The following SNCAIP variants were observed in gnomAD, a reference collection of about 807,000 sequenced individuals.
The protein encoded by SNCAIP is synuclein alpha interacting protein.
In SNCAIP, 43 loss-of-function variants were observed where a neutral mutation model predicts 86.7. That is an observed-to-expected ratio of 0.50 (90% CI 0.39 to 0.64). The LOEUF (loss-of-function observed/expected upper bound fraction) is 0.64, where lower values mean the gene tolerates loss of function less well. SNCAIP is among the 30% of genes least tolerant of loss of function. The pLI, the probability that SNCAIP is intolerant of heterozygous loss-of-function variation, is 0.00. For synonymous variants in SNCAIP, 417 were observed against 427.2 expected (o/e 0.98, Z 0.29); for missense variants, 981 against 1,103.1 (o/e 0.89, Z 1.57).
intron 1 of SNCAIP, among the ~76,000 whole-genome samples, chr5:122,333,352 A>G (rs1755767479): frequency 6.6e-6 from 1 of 152,148 alleles, no homozygotes; most frequent in Non-Finnish European, 1.5e-5. Flanking sequence ...TACGGAACCT[A>G]TTTGTTGGTT....
chr5:122,425,569 C>G, intron 5 of SNCAIP, 38 bp downstream of exon 5: 1 of 1,553,420 alleles, frequency 6.4e-7, no homozygotes, highest in Non-Finnish European at 8.9e-7. Context: ...CAGCTAGAAG[C>G]TGGATTTCTA....
intron 1 of SNCAIP, among the ~76,000 whole-genome samples, chr5:122,379,633 T>C (rs944923093): frequency 6.6e-6 from 1 of 151,670 alleles, no homozygotes; most frequent in Admixed American, 6.6e-5. Flanking sequence ...TCAAAGGGAA[T>C]GCTTCCAGTT....
Position 122,463,499 on chromosome 5 carries a change from A to G in SNCAIP, c.*3A>G. 6.3e-7 allele frequency: 1 copy of G among 1,598,186 alleles called. No individual in the cohort carries two copies. Among genetic ancestry groups the G allele is most frequent in the Non-Finnish European group, 8.6e-7 (1 of 1,166,460 alleles). On this transcript the variant is annotated 3_prime_UTR_variant, in exon 11 of 11. Transcript: ENST00000261368. Reference sequence around the variant, plus strand: ...GTTTCTCTTCTGCTTAGGCATAATGACATCAATAGAAAAATGAAGAAATCC... The same window carrying G: ...GTTTCTCTTCTGCTTAGGCATAATGGCATCAATAGAAAAATGAAGAAATCC...
chr5:122,455,790 G>A (rs1273668019), intron 10 of SNCAIP, among the ~76,000 whole-genome samples: 1 of 151,988 alleles, frequency 6.6e-6, no homozygotes, highest in Non-Finnish European at 1.5e-5. Flanking sequence ...TTCACAGCTT[G>A]ATAGCAAAAA....
intron 1 of SNCAIP, among the ~76,000 whole-genome samples, chr5:122,323,871 C>A (rs183513023): frequency 1.3e-5 from 2 of 152,156 alleles, no homozygotes; most frequent in African/African-American, 4.8e-5. Flanking sequence ...TCTCCTCCCC[C>A]CTCCAATCCC....
rs779419919 is a variant in SNCAIP at position 122,431,970 on chromosome 5, A to G, written c.1184A>G (p.Asn395Ser). The stretch of plus-strand genomic sequence containing the variant: ...CTCCCTTTCTTTTTTAAAACCTAGA[A>G]TGGTCAGTTGGAGTGCGTACGCTGG... ...KLTPAGLAIK[N>S]GQLECVRWMV... The change falls in exon 6 of 11, where the codon AAT (asparagine) becomes AGT (serine). Residue 395 changes from asparagine (N) to serine (S), a missense_variant and splice_region_variant. Asn to Ser is a conservative substitution (Grantham distance 46). Coordinates refer to ENST00000261368, the MANE Select transcript of SNCAIP (RefSeq NM_005460.4). 1 of 1,491,536 alleles carries G rather than the reference A, an allele frequency of 6.7e-7. No individual in the cohort carries two copies. 92.4% of individuals were successfully genotyped at this position (1,491,536 alleles called of 1,614,324 possible).
chr5:122,462,086 CT>C (rs952594179), intron 10 of SNCAIP, among the ~76,000 whole-genome samples: 1 of 151,972 alleles, frequency 6.6e-6, no homozygotes, highest in Admixed American at 6.6e-5. Context: ...TTGTTTCTTG[CT>C]TTTTTTTATC....
chr5:122,313,084 GAAGA>G (rs1407284780), intron 1 of SNCAIP, among the ~76,000 whole-genome samples: 2 of 152,264 alleles, frequency 1.3e-5, no homozygotes, highest in Admixed American at 1.3e-4. Context: ...TGCTTGCAGC[GAAGA>G]AAGTCTTAGG....
At chr5:122,338,752 T>C (rs1210150695) in intron 1 of SNCAIP, among the ~76,000 whole-genome samples, 1 of 152,198 alleles carries the variant, frequency 6.6e-6, no homozygotes, top group African/African-American at 2.4e-5. Context: ...TTGGAAGAAG[T>C]TTTGTGTCAT....
intron 1 of SNCAIP, among the ~76,000 whole-genome samples, chr5:122,367,609 T>C (rs1371413732): frequency 1.3e-5 from 2 of 152,058 alleles, no homozygotes; most frequent in African/African-American, 2.4e-5. Flanking sequence ...CTGGAGACAC[T>C]TGGGGGAATT....
intron 6 of SNCAIP, among the ~76,000 whole-genome samples, chr5:122,433,112 A>AGTGTGTGTGTGTGTGT (rs34711914): frequency 1.6e-3 from 241 of 147,812 alleles, no homozygotes; most frequent in African/African-American, 5.6e-3. Flanking sequence ...AACTTCTAGT[A>AGTGTGTGTGTGTGTGT]GTGTGTGTGT....
chr5:122,463,417 C>G (rs371589539), intron 10 of SNCAIP, 74 bp from the exon 11 acceptor site: 3 of 844,164 alleles, frequency 3.6e-6, no homozygotes, highest in Non-Finnish European at 6.1e-6. Context: ...TTTTGGTGAG[C>G]TGTTTAGTGG....
chr5:122,395,665 T>C (rs1054261721), intron 2 of SNCAIP, among the ~76,000 whole-genome samples: 1 of 152,172 alleles, frequency 6.6e-6, no homozygotes, highest in Non-Finnish European at 1.5e-5. Flanking sequence ...TAAAAATGCC[T>C]GCCCCCTTCT....
chr5:122,430,911 A>G (rs1778292666), intron 5 of SNCAIP, among the ~76,000 whole-genome samples: 1 of 152,128 alleles, frequency 6.6e-6, no homozygotes, highest in Non-Finnish European at 1.5e-5. Context: ...TTATTTGTAT[A>G]TAATAAAAGA....
intron 1 of SNCAIP, among the ~76,000 whole-genome samples, chr5:122,369,313 A>G (rs2152787391): frequency 6.6e-6 from 1 of 152,340 alleles, no homozygotes. Context: ...CCAATGTCGC[A>G]TAAAGTAACA....
intron 1 of SNCAIP, among the ~76,000 whole-genome samples, chr5:122,337,805 G>A (rs1275574638): frequency 6.6e-6 from 1 of 152,194 alleles, no homozygotes; most frequent in African/African-American, 2.4e-5. Flanking sequence ...CTTCCAAAGT[G>A]CTAAGATTAC....
Position 122,463,645 on chromosome 5 carries a change from G to A in SNCAIP, c.*149G>A. Reference sequence around the variant, plus strand: ...TGGAAATTTCTGGACTATCCTCTTTGGAAAGAGAACCATGAAAACAATGCC... The same window carrying A: ...TGGAAATTTCTGGACTATCCTCTTTAGAAAGAGAACCATGAAAACAATGCC... On this transcript the variant is annotated 3_prime_UTR_variant, in exon 11 of 11. Coordinates refer to ENST00000261368, the MANE Select transcript of SNCAIP (RefSeq NM_005460.4). 3 of 762,798 alleles carry A rather than the reference G, an allele frequency of 3.9e-6. No individual in the cohort carries two copies. The highest frequency in any genetic ancestry group is 4.3e-6 in the Non-Finnish European group (2 of 463,852). 47.3% of individuals were successfully genotyped at this position (762,798 alleles called of 1,614,324 possible). A position where few individuals can be genotyped will look rare whatever the true frequency, so the allele number is the denominator to read the frequency against.
intron 2 of SNCAIP, among the ~76,000 whole-genome samples, chr5:122,396,564 T>C (rs1770662258): frequency 6.6e-6 from 1 of 152,182 alleles, no homozygotes; most frequent in Non-Finnish European, 1.5e-5. Context: ...ACAATTAGTT[T>C]TTATGCCAAT....
chr5:122,386,725 G>A (rs1220287626), intron 1 of SNCAIP, among the ~76,000 whole-genome samples: 1 of 151,460 alleles, frequency 6.6e-6, no homozygotes, highest in Non-Finnish European at 1.5e-5. Context: ...CTCTCTATCA[G>A]TTTTCCTACC....
Sources: allele counts gnomAD v4.1 joint callset (sites outside exome capture counted in the v4.1 genomes callset), GRCh38; gene constraint gnomAD v4.1.1; transcripts MANE v1.5; gene names NCBI Gene and HGNC (gene_info 2026-07-23, HGNC 2026-07-21).